The following CHLSN variants were observed in gnomAD, a reference collection of about 807,000 sequenced individuals.
CHLSN encodes the protein cholesin.
chr7:1,084,123 C>G, the CHLSN span, among the ~76,000 whole-genome samples: 1 of 152,240 alleles, frequency 6.6e-6, no homozygotes, highest in African/African-American at 2.4e-5. Flanking sequence ...TCCAACCCCG[C>G]CTGCCACTGG....
the CHLSN span, chr7:1,000,665 T>G: frequency 1.6e-5 from 13 of 801,172 alleles, no homozygotes; most frequent in Non-Finnish European, 2.4e-5. Flanking sequence ...CACCAGGTAC[T>G]ACACACCAAG....
At chr7:1,055,123 C>A in the CHLSN span, among the ~76,000 whole-genome samples, 1 of 152,320 alleles carries the variant, frequency 6.6e-6, no homozygotes, top group Non-Finnish European at 1.5e-5. Flanking sequence ...GCCAGGCTAT[C>A]AGAAAGGTGG....
At chr7:1,047,790 G>A in the CHLSN span, among the ~76,000 whole-genome samples, 4 of 152,050 alleles carry the variant, frequency 2.6e-5, no homozygotes, top group Non-Finnish European at 5.9e-5. Flanking sequence ...ACAACTGTCC[G>A]GGGACAATAA....
the CHLSN span, among the ~76,000 whole-genome samples, chr7:1,116,500 C>T: frequency 4.8e-4 from 42 of 87,662 alleles, no homozygotes; most frequent in Admixed American, 8.7e-4. Context: ...ATCACCGACG[C>T]CCACGCAGGA....
chr7:990,685 G>A, the CHLSN span, among the ~76,000 whole-genome samples: 23 of 152,106 alleles, frequency 1.5e-4, no homozygotes, highest in African/African-American at 3.6e-4. Flanking sequence ...GCTCGGCTGC[G>A]TCCGCTCACC....
chr7:1,095,013 G>A, the CHLSN span, among the ~76,000 whole-genome samples: 1 of 152,138 alleles, frequency 6.6e-6, no homozygotes, highest in Non-Finnish European at 1.5e-5. Flanking sequence ...TTGCTGTGGG[G>A]TGGCCAAGCC....
At chr7:1,127,597 CTTT>C in the CHLSN span, among the ~76,000 whole-genome samples, 1 of 144,458 alleles carries the variant, frequency 6.9e-6, no homozygotes, top group Non-Finnish European at 1.5e-5. Context: ...TCCTTTCTGT[CTTT>C]TTTTTTTTTG....
chr7:1,087,540 G>A, the CHLSN span, among the ~76,000 whole-genome samples: 2 of 152,058 alleles, frequency 1.3e-5, no homozygotes, highest in Non-Finnish European at 2.9e-5. Flanking sequence ...ACTGCAGCCC[G>A]CCACACGAGG....
chr7:1,001,377 G>A, the CHLSN span, among the ~76,000 whole-genome samples: 1 of 151,622 alleles, frequency 6.6e-6, no homozygotes, highest in African/African-American at 2.4e-5. Flanking sequence ...AGTCCTGTGG[G>A]TGAGTGGAGT....
At chr7:1,042,031 C>G in the CHLSN span, among the ~76,000 whole-genome samples, 5 of 152,122 alleles carry the variant, frequency 3.3e-5, no homozygotes, top group Non-Finnish European at 2.9e-5. Flanking sequence ...CGGCAGTGCG[C>G]GGGGCTGCAG....
chr7:994,677 C>T, the CHLSN span, among the ~76,000 whole-genome samples: 11 of 152,080 alleles, frequency 7.2e-5, no homozygotes, highest in Non-Finnish European at 1.6e-4. Flanking sequence ...TGAGCTCAAG[C>T]GATCCTCCCG....
the CHLSN span, among the ~76,000 whole-genome samples, chr7:1,027,420 T>C: frequency 6.6e-6 from 1 of 152,176 alleles, no homozygotes; most frequent in Non-Finnish European, 1.5e-5. Context: ...CTGAGGACGC[T>C]CCGAGGACAC....
chr7:981,958 C>T, the CHLSN span, among the ~76,000 whole-genome samples: 14 of 152,032 alleles, frequency 9.2e-5, no homozygotes, highest in African/African-American at 2.9e-4. Context: ...GCTTGAGCCC[C>T]GGAGGTGGAG....
the CHLSN span, among the ~76,000 whole-genome samples, chr7:992,293 C>T: frequency 2.3e-4 from 35 of 152,368 alleles, no homozygotes; most frequent in African/African-American, 8.4e-4. Flanking sequence ...AGCCGTGCTG[C>T]ACGTGCCTCC....
the CHLSN span, among the ~76,000 whole-genome samples, chr7:994,636 A>C: frequency 5.9e-5 from 9 of 151,474 alleles, no homozygotes; most frequent in African/African-American, 9.7e-5. Context: ...GGGGCAGTTT[A>C]GCCATGTTGC....
the CHLSN span, chr7:997,811 G>A: frequency 3.6e-5 from 58 of 1,603,250 alleles, no homozygotes; most frequent in African/African-American, 4.5e-4. Flanking sequence ...GAACCTGGAC[G>A]GGAAAGAGAT....
chr7:999,010 A>C, the CHLSN span, among the ~76,000 whole-genome samples: 1 of 152,220 alleles, frequency 6.6e-6, no homozygotes, highest in African/African-American at 2.4e-5. Context: ...ATGAAATAAA[A>C]ATGTATAAGT....
the CHLSN span, among the ~76,000 whole-genome samples, chr7:1,008,862 C>T: frequency 2.9e-5 from 3 of 103,370 alleles, no homozygotes; most frequent in African/African-American, 7.9e-5. Context: ...TAAACACACG[C>T]ACACACGTGT....
chr7:1,020,120 G>A, the CHLSN span, among the ~76,000 whole-genome samples: 2 of 152,314 alleles, frequency 1.3e-5, no homozygotes, highest in East Asian at 3.9e-4. Context: ...GCGGGAACAC[G>A]GGCACCAGGC....
Sources: allele counts gnomAD v4.1 joint callset (sites outside exome capture counted in the v4.1 genomes callset), GRCh38; gene constraint gnomAD v4.1.1; transcripts MANE v1.5; gene names NCBI Gene and HGNC (gene_info 2026-07-23, HGNC 2026-07-21).